The following SLC8A3 variants were observed in gnomAD, a reference collection of about 807,000 sequenced individuals.
The protein encoded by SLC8A3 is solute carrier family 8 member A3, also known as sodium/calcium exchanger 3.
SLC8A3 carries 37 observed loss-of-function variants against 65.4 expected under a neutral mutation model. That is an observed-to-expected ratio of 0.57 (90% CI 0.44 to 0.74). SLC8A3 has a LOEUF of 0.74. SLC8A3 is among the 30% of genes least tolerant of loss of function. The pLI is 0.00. For missense variants in SLC8A3, 1,112 were observed against 1,172.1 expected, an observed-to-expected ratio of 0.95 and a Z score of 0.75; for synonymous variants, 461 against 444.5, an observed-to-expected ratio of 1.04 and a Z score of -0.47.
intron 2 of SLC8A3, among the ~76,000 whole-genome samples, chr14:70,150,749 C>T (rs977852296): frequency 1.3e-5 from 2 of 152,166 alleles, no homozygotes; most frequent in Admixed American, 1.3e-4. Context: ...TAGCTCAGGA[C>T]AAGCTTTAAG....
At chr14:70,168,561 T>G (rs1471056917) in intron 1 of SLC8A3, 77 bp from the exon 2 acceptor site, 4 of 634,272 alleles carry the variant, frequency 6.3e-6, no homozygotes, top group Admixed American at 2.9e-5. Context: ...CCAATACAAC[T>G]GATGCTTCAC....
At chr14:70,118,721 A>G (rs538637924) in intron 2 of SLC8A3, among the ~76,000 whole-genome samples, 10 of 152,330 alleles carry the variant, frequency 6.6e-5, no homozygotes, top group African/African-American at 2.4e-4. Flanking sequence ...CCTTTGAAGC[A>G]TCTCCTGTTT....
intron 2 of SLC8A3, among the ~76,000 whole-genome samples, chr14:70,099,190 G>A (rs934946347): frequency 1.3e-5 from 2 of 152,034 alleles, no homozygotes; most frequent in East Asian, 1.9e-4. Context: ...GTTAAAAAGC[G>A]GGGTCAGCAA....
At chr14:70,052,374 A>G (rs754114743) in intron 3 of SLC8A3, among the ~76,000 whole-genome samples, 1 of 152,180 alleles carries the variant, frequency 6.6e-6, no homozygotes, top group African/African-American at 2.4e-5. Context: ...ACATCTCCTG[A>G]GAAATAGCAT....
chr14:70,064,144 A>G (rs1229284975), intron 2 of SLC8A3, among the ~76,000 whole-genome samples: 1 of 152,200 alleles, frequency 6.6e-6, no homozygotes, highest in African/African-American at 2.4e-5. Flanking sequence ...TGGCATGATC[A>G]TATTTGAAGA....
intron 5 of SLC8A3, among the ~76,000 whole-genome samples, chr14:70,050,530 G>A (rs534973846): frequency 1.3e-5 from 2 of 152,236 alleles, no homozygotes; most frequent in South Asian, 4.2e-4. Context: ...GCCGAGGGAG[G>A]GGTATGGAAT....
intron 2 of SLC8A3, among the ~76,000 whole-genome samples, chr14:70,084,691 A>G (rs768390167): frequency 4.6e-5 from 7 of 152,236 alleles, no homozygotes; most frequent in Non-Finnish European, 1.0e-4. Flanking sequence ...TGGAATTGCT[A>G]TATGCCTAAT....
chr14:70,173,917 A>G (rs1193591621), intron 1 of SLC8A3, among the ~76,000 whole-genome samples: 1 of 152,230 alleles, frequency 6.6e-6, no homozygotes, highest in African/African-American at 2.4e-5. Flanking sequence ...CACAACTGGA[A>G]CTTGTATCCA....
chr14:70,119,248 C>T (rs550542894), intron 2 of SLC8A3, among the ~76,000 whole-genome samples: 1 of 152,248 alleles, frequency 6.6e-6, no homozygotes, highest in South Asian at 2.1e-4. Context: ...TCCAAGGCTA[C>T]CGCTAGTCAA....
chr14:70,103,667 C>A (rs991038301), intron 2 of SLC8A3, among the ~76,000 whole-genome samples: 3 of 151,280 alleles, frequency 2.0e-5, no homozygotes, highest in Admixed American at 6.6e-5. Context: ...AGCTATAAAG[C>A]CAATTGAGGA....
chr14:70,153,533 C>T lies in SLC8A3; in HGVS notation c.1784+13106G>A, dbSNP rs560592636. Among the ~76,000 whole-genome samples, 3 of 152,292 alleles carry T rather than the reference C, an allele frequency of 2.0e-5. No homozygotes were observed. In the East Asian group the frequency reaches 5.8e-4, roughly 29 times the overall value. On this transcript the variant is annotated intron_variant, in intron 2 of 6. Coordinates refer to ENST00000356921, the MANE Select transcript of SLC8A3 (RefSeq NM_182932.3). ...AGAAGGGGGTGTTGCCTCTGTATGG[C>T]CACAGCCCTCAGTGGTTCCCCCTTC... is the stretch of plus-strand genomic sequence containing the variant.
intron 2 of SLC8A3, among the ~76,000 whole-genome samples, chr14:70,163,664 C>A (rs1897012259): frequency 1.3e-5 from 2 of 152,182 alleles, no homozygotes; most frequent in African/African-American, 4.8e-5. Flanking sequence ...AAAGAGCAAA[C>A]AATCATTATT....
rs1185462859 is a variant in SLC8A3, at chr14:70,168,134, G to A, written c.289C>T (p.Arg97Cys). The A allele has an allele frequency of 8.1e-6, 13 of 1,613,948 alleles. No individual in the cohort carries two copies. The highest frequency in any genetic ancestry group is 2.2e-5 in the East Asian group (1 of 44,884). Reference sequence around the variant, plus strand: ...ATGACTTCAATAGATGCCATGAAGCGGTCAGCAATGATGGACACCCCAAGG... The same window carrying A: ...ATGACTTCAATAGATGCCATGAAGCAGTCAGCAATGATGGACACCCCAAGG... ...MFLGVSIIAD[R>C]FMASIEVITS... Residue 97 changes from arginine to cysteine, a missense_variant, in exon 2 of 7, where the codon CGC (arginine) becomes TGC (cysteine). Coordinates refer to ENST00000356921, the MANE Select transcript of SLC8A3 (RefSeq NM_182932.3).
chr14:70,103,609 A>G (rs539009347), intron 2 of SLC8A3, among the ~76,000 whole-genome samples: 94 of 152,212 alleles, frequency 6.2e-4, no homozygotes, highest in Non-Finnish European at 1.2e-3. Context: ...GTAAGTATAC[A>G]TATTGCTATC....
chr14:70,130,357 G>A (rs1894742399), intron 2 of SLC8A3, among the ~76,000 whole-genome samples: 1 of 152,210 alleles, frequency 6.6e-6, no homozygotes, highest in South Asian at 2.1e-4. Flanking sequence ...TGATGGCTGG[G>A]GGGCAGATGC....
At position 70,166,516 on chromosome 14, in the gene SLC8A3, A is replaced by G; in HGVS notation, c.1784+123T>C. 3 of 646,480 alleles carry G rather than the reference A, an allele frequency of 4.6e-6. No individual in the cohort carries two copies. The South Asian group carries it at 6.1e-5, about 13-fold the overall frequency. 40.0% of individuals were successfully genotyped at this position (646,480 alleles called of 1,614,324 possible). A position where few individuals can be genotyped will look rare whatever the true frequency, so the allele number is the denominator to read the frequency against. ...TGTCTGCTGATCCTGCATACCTGTG[A>G]TGGAACCAAAGTTTGACATTAACAC... On this transcript the variant is annotated intron_variant, in intron 2 of 6. Coordinates refer to ENST00000356921, the MANE Select transcript of SLC8A3 (RefSeq NM_182932.3).
chr14:70,168,108 G>A lies in SLC8A3; in HGVS notation c.315C>T (p.Ile105=), dbSNP rs1381478278. The A allele has an allele frequency of 2.5e-6, 4 of 1,614,108 alleles. No homozygotes were observed. The highest frequency in any genetic ancestry group is 1.7e-5 in the Admixed American group (1 of 60,014). The part of the protein sequence containing the change: ...ADRFMASIEV[I]TSQEREVTIK... ...TTGTCACCTCCCTCTCTTGAGAGGTGATGACTTCAATAGATGCCATGAAGC... is the reference window on the plus strand; with the variant it reads ...TTGTCACCTCCCTCTCTTGAGAGGTAATGACTTCAATAGATGCCATGAAGC... The change falls in exon 2 of 7, where the codon ATC becomes ATT. Residue 105 remains isoleucine, a synonymous_variant. Transcript: ENST00000356921.
At chr14:70,089,983 T>C (rs1891700245) in intron 2 of SLC8A3, among the ~76,000 whole-genome samples, 1 of 152,230 alleles carries the variant, frequency 6.6e-6, no homozygotes, top group East Asian at 1.9e-4. Flanking sequence ...ATTATTTTCA[T>C]TGTTTCTGAT....
intron 2 of SLC8A3, among the ~76,000 whole-genome samples, chr14:70,066,540 G>C (rs1416275167): frequency 6.6e-6 from 1 of 152,116 alleles, no homozygotes; most frequent in Non-Finnish European, 1.5e-5. Flanking sequence ...GGCCAGCGCG[G>C]TGCCTCACAC....
Sources: allele counts gnomAD v4.1 joint callset (sites outside exome capture counted in the v4.1 genomes callset), GRCh38; gene constraint gnomAD v4.1.1; transcripts MANE v1.5; gene names NCBI Gene and HGNC (gene_info 2026-07-23, HGNC 2026-07-21).